The following PATJ variants were observed in gnomAD, a reference collection of about 807,000 sequenced individuals.
The protein encoded by PATJ is inaD-like protein.
A neutral mutation model predicts 224.9 loss-of-function variants in PATJ; 190 were observed. The observed-to-expected ratio is 0.84, with a 90% CI of 0.75 to 0.95. The LOEUF is 0.95. Among genes scored for constraint, PATJ ranks in the 40% least tolerant of loss-of-function variants. The pLI, the probability that PATJ is intolerant of heterozygous loss-of-function variation, is 0.00. For synonymous variants in PATJ, 769 were observed against 820.3 expected (o/e 0.94, Z 1.07); for missense variants, 2,121 against 2,270.3 (o/e 0.93, Z 1.34).
chr1:62,135,760 T>C (rs1666795105), intron 41 of PATJ, among the ~76,000 whole-genome samples: 1 of 152,174 alleles, frequency 6.6e-6, no homozygotes, highest in Admixed American at 6.5e-5. Flanking sequence ...GAGGATTAGA[T>C]GAAGTGTGAT....
intron 29 of PATJ, among the ~76,000 whole-genome samples, chr1:62,037,344 T>C (rs143471845): frequency 1.5e-3 from 223 of 152,244 alleles, no homozygotes; most frequent in African/African-American, 4.9e-3. Flanking sequence ...ACCAGTATTA[T>C]AGGTTCTGAT....
chr1:61,854,431 A>G (rs894988477), intron 17 of PATJ, among the ~76,000 whole-genome samples: 5 of 152,192 alleles, frequency 3.3e-5, no homozygotes, highest in African/African-American at 1.2e-4. Flanking sequence ...CACCTCCACC[A>G]TTAAGACAAA....
At chr1:62,138,631 C>T (rs919474593) in intron 41 of PATJ, among the ~76,000 whole-genome samples, 8 of 152,076 alleles carry the variant, frequency 5.3e-5, no homozygotes, top group Admixed American at 4.6e-4. Flanking sequence ...GTTTAAAGGA[C>T]CTGCAAGCAT....
In PATJ at chr1:62,128,106, A is replaced by T; in HGVS notation, c.5166+12A>T. The T allele has an allele frequency of 2.5e-6, 4 of 1,613,926 alleles. No homozygotes were observed. The highest frequency in any genetic ancestry group is 3.4e-6 in the Non-Finnish European group (4 of 1,179,922). ...CACAGAAGCTTAAAGTAAACGAGAG[A>T]ACTGGTTGAAAGACTAACAATATGT... On this transcript the variant is annotated intron_variant, in intron 40 of 43. Transcript: ENST00000642238.
intron 41 of PATJ, among the ~76,000 whole-genome samples, chr1:62,140,140 G>A (rs182998166): frequency 8.5e-5 from 13 of 152,180 alleles, no homozygotes; most frequent in Non-Finnish European, 1.8e-4. Context: ...AGTCCATCAC[G>A]TTTCTCATTC....
intron 20 of PATJ, among the ~76,000 whole-genome samples, chr1:61,869,112 T>C (rs912955738): frequency 6.7e-6 from 1 of 149,130 alleles, no homozygotes; most frequent in African/African-American, 2.5e-5. Context: ...TTTTTTTTTT[T>C]TTTTTCTTTT....
intron 24 of PATJ, 45 bp downstream of exon 24, chr1:61,901,504 GAC>G: frequency 7.4e-7 from 1 of 1,354,796 alleles, no homozygotes; most frequent in Non-Finnish European, 1.0e-6. Context: ...CATACGGTAA[GAC>G]AGTGAAATAA....
At chr1:62,031,605 G>C (rs778124520) in intron 29 of PATJ, among the ~76,000 whole-genome samples, 33 of 152,094 alleles carry the variant, frequency 2.2e-4, no homozygotes, top group Non-Finnish European at 2.8e-4. Context: ...ACTCACCTAG[G>C]GATTTTAACT....
intron 1 of PATJ, among the ~76,000 whole-genome samples, chr1:61,757,183 C>T (rs1645698402): frequency 6.6e-6 from 1 of 151,262 alleles, no homozygotes; most frequent in Non-Finnish European, 1.5e-5. Flanking sequence ...GCGATTCTCC[C>T]ACCTTAGCCT....
At chr1:61,833,826 G>T in intron 17 of PATJ, 41 bp downstream of exon 17, 1 of 1,574,402 alleles carries the variant, frequency 6.4e-7, no homozygotes, top group Non-Finnish European at 8.6e-7. Context: ...TGGAGTGATT[G>T]GTTTGTATTA....
chr1:62,043,351 A>G (rs1363763141), intron 30 of PATJ, among the ~76,000 whole-genome samples: 2 of 152,232 alleles, frequency 1.3e-5, no homozygotes, highest in African/African-American at 4.8e-5. Flanking sequence ...TGGATGTCAG[A>G]CAGAGCCAAG....
intron 43 of PATJ, among the ~76,000 whole-genome samples, chr1:62,156,712 T>C (rs1416838117): frequency 4.0e-5 from 6 of 151,360 alleles, no homozygotes; most frequent in Non-Finnish European, 8.8e-5. Flanking sequence ...GCCCAGGAGT[T>C]TGAGACCAGC....
At chr1:62,107,117 T>A (rs1373740397) in intron 33 of PATJ, among the ~76,000 whole-genome samples, 1 of 151,928 alleles carries the variant, frequency 6.6e-6, no homozygotes, top group Non-Finnish European at 1.5e-5. Context: ...CCATCCTGGC[T>A]AACACGGTGA....
intron 26 of PATJ, 41 bp from the exon 27 acceptor site, chr1:61,927,689 C>A: frequency 2.4e-6 from 3 of 1,231,776 alleles, no homozygotes; most frequent in Non-Finnish European, 2.4e-6. Flanking sequence ...GAGCATTGTA[C>A]AAGAAGCATT....
intron 1 of PATJ, among the ~76,000 whole-genome samples, chr1:61,752,839 C>T (rs1645411954): frequency 6.6e-6 from 1 of 152,080 alleles, no homozygotes; most frequent in African/African-American, 2.4e-5. Context: ...TCCCAAATTC[C>T]AGGGATATAG....
chr1:61,817,941 T>C (rs1017124578), intron 14 of PATJ, among the ~76,000 whole-genome samples: 2 of 152,220 alleles, frequency 1.3e-5, no homozygotes, highest in African/African-American at 4.8e-5. Flanking sequence ...GGGTTCTTTC[T>C]GTTCTGTTTT....
chr1:62,036,138 A>C (rs17122975), intron 29 of PATJ, among the ~76,000 whole-genome samples: 10 of 152,190 alleles, frequency 6.6e-5, no homozygotes, highest in Admixed American at 6.5e-4. Flanking sequence ...TTAAGAAGCC[A>C]TAAGAAGGGG....
At chr1:61,963,351 T>C (rs975655035) in intron 27 of PATJ, among the ~76,000 whole-genome samples, 3 of 151,878 alleles carry the variant, frequency 2.0e-5, no homozygotes, top group African/African-American at 7.3e-5. Flanking sequence ...TCCCAGCATT[T>C]TGGGAGGCCA....
chr1:61,751,269 G>A (rs1198738265), intron 1 of PATJ, among the ~76,000 whole-genome samples: 1 of 152,054 alleles, frequency 6.6e-6, no homozygotes, highest in Non-Finnish European at 1.5e-5. Flanking sequence ...CCAAAGTGCT[G>A]GGAGTACAGG....
Sources: gnomAD v4.1 joint callset for allele counts (sites outside exome capture counted in the v4.1 genomes callset) on GRCh38, gnomAD v4.1.1 for gene constraint, MANE v1.5 for transcripts, NCBI Gene and HGNC (gene_info 2026-07-23, HGNC 2026-07-21) for gene names.